PMPCB: variants seen among roughly 807,000 people sequenced by gnomAD.
PMPCB encodes the protein peptidase, mitochondrial processing subunit beta, also known as mitochondrial-processing peptidase subunit beta.
In PMPCB, 46 loss-of-function variants were observed where a neutral mutation model predicts 61.5. The observed-to-expected ratio is 0.75, with a 90% CI of 0.59 to 0.96. The LOEUF (loss-of-function observed/expected upper bound fraction) is 0.96. Among genes scored for constraint, PMPCB ranks in the 40% least tolerant of loss-of-function variants. PMPCB has a pLI of 0.00. For missense variants in PMPCB, 590 were observed against 602.4 expected (o/e 0.98, Z 0.22); for synonymous variants, 191 against 201.6 (o/e 0.95, Z 0.44).
chr7:103,343,499 T>C, the PMPCB span, among the ~76,000 whole-genome samples: 1 of 152,198 alleles, frequency 6.6e-6, no homozygotes, highest in African/African-American at 2.4e-5. Flanking sequence ...AGTGGCTATG[T>C]GACCTGAAAT....
Position 103,300,308 on chromosome 7 carries a change from G to C in PMPCB, c.457+1G>C, listed in dbSNP as rs1452263357. The C allele has an allele frequency of 6.3e-7, 1 of 1,597,720 alleles. No individual in the cohort carries two copies. The highest frequency in any genetic ancestry group is 1.3e-5 in the African/African-American group (1 of 74,266). On this transcript the variant is annotated splice_donor_variant, in intron 4 of 12. Transcript: ENST00000249269. LOFTEE classifies it high-confidence loss of function. ...GCATTCTCTAAAGACTTGCCAAGAGGTACTGTTATTATTTATACAGCAGAT... is the reference window on the plus strand; with the variant it reads ...GCATTCTCTAAAGACTTGCCAAGAGCTACTGTTATTATTTATACAGCAGAT...
At chr7:103,344,455 T>C in the PMPCB span, 1 of 1,327,762 alleles carries the variant, frequency 7.5e-7, no homozygotes. Context: ...GCCCCGGGGC[T>C]AGTCGCCAGG....
the PMPCB span, chr7:103,345,000 T>C: frequency 2.4e-6 from 1 of 409,974 alleles, no homozygotes. Flanking sequence ...TATATTATCT[T>C]TAAGTTCTTA....
chr7:103,330,282 T>G (rs1201066585), downstream of PMPCB, among the ~76,000 whole-genome samples: 1 of 151,936 alleles, frequency 6.6e-6, no homozygotes, highest in Non-Finnish European at 1.5e-5. Flanking sequence ...TAAATTGCAT[T>G]TGTTATTTTA....
chr7:103,325,273 G>A (rs1410214251), intron 12 of PMPCB, among the ~76,000 whole-genome samples: 2 of 152,006 alleles, frequency 1.3e-5, no homozygotes, highest in African/African-American at 2.4e-5. Flanking sequence ...GTGAAACCCC[G>A]TCTCTACTAA....
chr7:103,313,088 G>A lies in PMPCB; in HGVS notation c.*817G>A. On this transcript the variant is annotated 3_prime_UTR_variant, in exon 13 of 13. Transcript: ENST00000249269. ...GTTCTTCTGTTGTCCAAGGGGTGAAGTCTGTATATGGACCTGATTAAGAAA... is the reference window on the plus strand; with the variant it reads ...GTTCTTCTGTTGTCCAAGGGGTGAAATCTGTATATGGACCTGATTAAGAAA... The A allele has an allele frequency of 1.9e-6, 3 of 1,612,198 alleles. No individual in the cohort carries two copies. Among genetic ancestry groups the A allele is most frequent in the Non-Finnish European group, 2.5e-6 (3 of 1,179,488 alleles).
rs566401166 is a variant in PMPCB, at chr7:103,324,734, C to A, written c.*1432-4197C>A. The A allele has an allele frequency of 8.4e-5, 47 of 562,328 alleles. 1 individual carries two copies. The highest frequency in any genetic ancestry group is 7.9e-4 in the African/African-American group (40 of 50,948). The allele number at this position is 562,328 out of a possible 1,614,324, so 34.8% of individuals were successfully genotyped here. On this transcript the variant is annotated intron_variant and NMD_transcript_variant, in intron 12 of 12. Transcript: ENST00000444457. ...GGAAGGTCAGCAGTGGGGCATGAAA[C>A]AATGCAGGTGTGCGAAAAGTGAGGC...
intron 4 of PMPCB, 53 bp from the exon 5 acceptor site, chr7:103,303,789 A>G (rs1327454192): frequency 1.5e-6 from 2 of 1,299,570 alleles, no homozygotes; most frequent in Non-Finnish European, 2.1e-6. Context: ...ATAGATTTTA[A>G]TAGTGAAAGT....
chr7:103,315,826 A>G (rs1269975196), downstream of PMPCB: 1 of 1,613,644 alleles, frequency 6.2e-7, no homozygotes. Flanking sequence ...TTCTTTTTTG[A>G]ACTTATCAAA....
chr7:103,301,767 A>G (rs1020651757), intron 4 of PMPCB, among the ~76,000 whole-genome samples: 1 of 152,072 alleles, frequency 6.6e-6, no homozygotes, highest in Admixed American at 6.6e-5. Flanking sequence ...AATGGTCTCC[A>G]GGTTTTTATG....
chr7:103,341,539 C>T, the PMPCB span, among the ~76,000 whole-genome samples: 337 of 152,268 alleles, frequency 2.2e-3, 1 homozygote, highest in African/African-American at 7.7e-3. Flanking sequence ...CTTTTAAGAC[C>T]GGTGCAAACA....
chr7:103,327,332 A>G, intron 12 of PMPCB: 1 of 1,286,570 alleles, frequency 7.8e-7, no homozygotes, highest in Non-Finnish European at 1.0e-6. Flanking sequence ...GAACACTTAC[A>G]TGAATTAACT....
chr7:103,344,052 C>T, the PMPCB span, among the ~76,000 whole-genome samples: 11 of 152,200 alleles, frequency 7.2e-5, no homozygotes, highest in African/African-American at 2.4e-4. Context: ...AAAGTCTACG[C>T]GGATCTTTTC....
At chr7:103,307,054 C>G (rs944074331) in intron 6 of PMPCB, among the ~76,000 whole-genome samples, 2 of 151,810 alleles carry the variant, frequency 1.3e-5, no homozygotes, top group African/African-American at 2.4e-5. Context: ...CCATGGCACC[C>G]GGCTTTTAAA....
At chr7:103,332,569 G>C (rs1332300522), downstream of PMPCB, among the ~76,000 whole-genome samples, 2 of 151,658 alleles carry the variant, frequency 1.3e-5, no homozygotes, top group African/African-American at 2.4e-5. Flanking sequence ...AAATTATCTG[G>C]GCCTAAAAAT....
chr7:103,332,289 GCCACTGCAC>G (rs1819009754), downstream of PMPCB, among the ~76,000 whole-genome samples: 1 of 152,238 alleles, frequency 6.6e-6, no homozygotes, highest in East Asian at 1.9e-4. Flanking sequence ...ATAGGCGTGA[GCCACTGCAC>G]CCAGCGAATT....
rs534911939 is a variant in PMPCB, at chr7:103,325,999, A to T, written c.*1432-2932A>T. On this transcript the variant is annotated intron_variant and NMD_transcript_variant, in intron 12 of 12. Coordinates refer to the PMPCB transcript ENST00000444457. Reference sequence around the variant, plus strand: ...ATACTGTTATTTCTCTCAAAGCAAAATTTTTTTTTTTTGAGATGGAGTCTT... The same window carrying T: ...ATACTGTTATTTCTCTCAAAGCAAATTTTTTTTTTTTTGAGATGGAGTCTT... Among the ~76,000 whole-genome samples the T allele has an allele frequency of 3.1e-3, 458 of 148,276 alleles. 9 individuals carry two copies. Among genetic ancestry groups the T allele is most frequent in the Admixed American group, 0.03 (443 of 14,852 alleles).
downstream of PMPCB, among the ~76,000 whole-genome samples, chr7:103,318,562 T>G (rs1018958856): frequency 2.6e-5 from 4 of 152,286 alleles, no homozygotes; most frequent in African/African-American, 9.6e-5. Flanking sequence ...TCCTTAAGGT[T>G]CTTCTCAGGT....
At chr7:103,302,290 T>G (rs1213779556) in intron 4 of PMPCB, among the ~76,000 whole-genome samples, 1 of 152,206 alleles carries the variant, frequency 6.6e-6, no homozygotes, top group African/African-American at 2.4e-5. Flanking sequence ...TTACTCTTAT[T>G]GGTAAGAAAG....
Sources: gnomAD v4.1 joint callset for allele counts (sites outside exome capture counted in the v4.1 genomes callset) on GRCh38, gnomAD v4.1.1 for gene constraint, MANE v1.5 for transcripts, NCBI Gene and HGNC (gene_info 2026-07-23, HGNC 2026-07-21) for gene names.